The following NRG3 variants were observed in gnomAD, a reference collection of about 807,000 sequenced individuals.
NRG3 encodes neuregulin 3.
Under a neutral mutation model 66.9 loss-of-function variants are expected in NRG3, and 31 were observed. That is an observed-to-expected ratio of 0.46 (90% CI 0.35 to 0.63). The LOEUF is 0.63. Ranked by LOEUF, NRG3 falls within the 20% of genes least tolerant of loss-of-function variation. NRG3 has a pLI of 0.00. For missense variants in NRG3, 910 were observed against 878.9 expected, an observed-to-expected ratio of 1.04 and a Z score of -0.45; for synonymous variants, 393 against 359.4, an observed-to-expected ratio of 1.09 and a Z score of -1.06.
intron 1 of NRG3, among the ~76,000 whole-genome samples, chr10:82,008,355 CAA>C (rs2061452236): frequency 6.6e-6 from 1 of 152,012 alleles, no homozygotes; most frequent in South Asian, 2.1e-4. Context: ...ACTCCAGTGA[CAA>C]GAGTAGATGT....
chr10:82,661,514 C>A (rs2052358816), intron 2 of NRG3, among the ~76,000 whole-genome samples: 1 of 152,066 alleles, frequency 6.6e-6, no homozygotes. Context: ...ACTTACCTCC[C>A]TATTACTGTG....
rs1241113136 is a variant in NRG3 at position 82,398,520 on chromosome 10, T to TGAGAGA, written c.953+39653_953+39654insAGAGAG. Among the ~76,000 whole-genome samples the TGAGAGA allele has an allele frequency of 2.2e-3, 277 of 125,546 alleles. 1 individual carries two copies. The highest frequency in any genetic ancestry group is 8.3e-3 in the African/African-American group (254 of 30,702). 82.4% of individuals were successfully genotyped at this position (125,546 alleles called of 152,430 possible). A position where few individuals can be genotyped will look rare whatever the true frequency, so the allele number is the denominator to read the frequency against. ...GTGTGTGTGTGTGTGTGTGTGTGTG[T>TGAGAGA]GTGTGTGAGAGAGAGAGAGAGAGAG... On this transcript the variant is annotated intron_variant, in intron 2 of 8. Coordinates refer to ENST00000372141, the MANE Select transcript of NRG3 (RefSeq NM_001010848.4).
chr10:82,232,939 C>T, intron 1 of NRG3: 1 of 670,684 alleles, frequency 1.5e-6, no homozygotes, highest in East Asian at 2.7e-5. Context: ...GGAGTGTTCT[C>T]TAGTTGCCTG....
intron 2 of NRG3, among the ~76,000 whole-genome samples, chr10:82,411,506 G>T (rs1042612036): frequency 3.9e-5 from 6 of 152,022 alleles, no homozygotes; most frequent in Non-Finnish European, 1.5e-5. Context: ...TCAAATGAAG[G>T]CATCAACAAT....
chr10:82,406,081 A>G (rs1331408581), intron 2 of NRG3, among the ~76,000 whole-genome samples: 2 of 152,182 alleles, frequency 1.3e-5, no homozygotes, highest in Non-Finnish European at 2.9e-5. Context: ...GCCTGTCACA[A>G]GAGTTAAAGT....
chr10:82,427,549 T>C (rs953763189), intron 2 of NRG3, among the ~76,000 whole-genome samples: 3 of 152,194 alleles, frequency 2.0e-5, no homozygotes, highest in African/African-American at 7.2e-5. Context: ...GTTTATGTTG[T>C]ACAATCCTAG....
intron 1 of NRG3, among the ~76,000 whole-genome samples, chr10:82,310,062 G>A (rs915278940): frequency 2.6e-5 from 4 of 152,058 alleles, no homozygotes; most frequent in East Asian, 1.9e-4. Flanking sequence ...GAAAATTGCC[G>A]TCATTCCCTT....
intron 2 of NRG3, among the ~76,000 whole-genome samples, chr10:82,601,689 G>C (rs1267914435): frequency 7.0e-6 from 1 of 143,334 alleles, no homozygotes. Flanking sequence ...CCTTCCCACT[G>C]TCTGCTACTG....
chr10:81,998,193 C>T (rs977667465), intron 1 of NRG3, among the ~76,000 whole-genome samples: 7 of 152,168 alleles, frequency 4.6e-5, no homozygotes, highest in Non-Finnish European at 1.0e-4. Flanking sequence ...AAGTAATACA[C>T]ATGGAATGTG....
At chr10:81,919,399 T>C (rs961546909) in intron 1 of NRG3, among the ~76,000 whole-genome samples, 4 of 152,216 alleles carry the variant, frequency 2.6e-5, no homozygotes, top group African/African-American at 9.6e-5. Flanking sequence ...GATGGCAGAA[T>C]GGTAATACTT....
intron 2 of NRG3, among the ~76,000 whole-genome samples, chr10:82,633,023 C>T (rs2049948446): frequency 6.6e-6 from 1 of 152,242 alleles, no homozygotes; most frequent in Admixed American, 6.5e-5. Flanking sequence ...TTTCACTCTG[C>T]CATTGACAGG....
At chr10:81,937,321 AATTT>A (rs1320320039) in intron 1 of NRG3, among the ~76,000 whole-genome samples, 1 of 151,998 alleles carries the variant, frequency 6.6e-6, no homozygotes, top group Non-Finnish European at 1.5e-5. Context: ...GGATATGGGT[AATTT>A]ATTTATTTTT....
chr10:82,597,758 G>C (rs908157920), intron 2 of NRG3, among the ~76,000 whole-genome samples: 1 of 151,596 alleles, frequency 6.6e-6, no homozygotes, highest in Non-Finnish European at 1.5e-5. Flanking sequence ...CCGTCTCTAC[G>C]AAAAACACAA....
At chr10:82,361,227 A>C in intron 2 of NRG3, among the ~76,000 whole-genome samples, 1 of 152,342 alleles carries the variant, frequency 6.6e-6, no homozygotes, top group Non-Finnish European at 1.5e-5. Flanking sequence ...TACATATTTA[A>C]TAATTTTGGC....
chr10:82,348,022 A>G (rs1222430030), intron 1 of NRG3, among the ~76,000 whole-genome samples: 4 of 151,862 alleles, frequency 2.6e-5, no homozygotes, highest in South Asian at 2.1e-4. Flanking sequence ...TCTTTATCCA[A>G]TTTCCCAGTC....
At chr10:82,079,592 T>C (rs10736177) in intron 1 of NRG3, among the ~76,000 whole-genome samples, 126,248 of 152,142 alleles carry the variant, frequency 0.83, 52,498 homozygotes, top group East Asian at 0.9. Context: ...AATAGTTTCA[T>C]TGCCGTAAAA....
chr10:82,851,170 T>G (rs1343899032), intron 3 of NRG3, among the ~76,000 whole-genome samples: 1 of 152,250 alleles, frequency 6.6e-6, no homozygotes, highest in Non-Finnish European at 1.5e-5. Context: ...CCTAATTTTC[T>G]ATTTAAAGTT....
Position 82,574,080 on chromosome 10 carries a change from A to T in NRG3, c.954-164497A>T, listed in dbSNP as rs77719573. Among the ~76,000 whole-genome samples, 16 of 151,868 alleles carry T rather than the reference A, an allele frequency of 1.1e-4. No homozygotes were observed. In the East Asian group the frequency reaches 3.1e-3, roughly 30 times the overall value. ...ATCAAAATACCAAAAAGATACCTGC[A>T]CTCCCATGTTTATGGCAGCACTATT... On this transcript the variant is annotated intron_variant, in intron 2 of 8. Coordinates refer to ENST00000372141, the MANE Select transcript of NRG3 (RefSeq NM_001010848.4).
At chr10:82,961,077 A>G (rs893229826) in intron 6 of NRG3, among the ~76,000 whole-genome samples, 1 of 152,248 alleles carries the variant, frequency 6.6e-6, no homozygotes, top group Non-Finnish European at 1.5e-5. Context: ...GCAGAATACA[A>G]TATCAGCACC....
Sources: gnomAD v4.1 joint callset for allele counts (sites outside exome capture counted in the v4.1 genomes callset) on GRCh38, gnomAD v4.1.1 for gene constraint, MANE v1.5 for transcripts, NCBI Gene and HGNC (gene_info 2026-07-23, HGNC 2026-07-21) for gene names.